The following TDRD1 variants were observed in gnomAD, a reference collection of about 807,000 sequenced individuals.
TDRD1 encodes tudor domain-containing protein 1.
Under a neutral mutation model 140.6 loss-of-function variants are expected in TDRD1, and 37 were observed. The ratio of observed to expected loss-of-function variants is 0.26; its 90% CI spans 0.20 to 0.35. The LOEUF (loss-of-function observed/expected upper bound fraction) is 0.35. Among genes scored for constraint, TDRD1 ranks in the 10% least tolerant of loss-of-function variants. TDRD1 has a pLI of 1.00. For synonymous variants in TDRD1, 506 were observed against 475.7 expected, an observed-to-expected ratio of 1.06 and a Z score of -0.83; for missense variants, 1,243 against 1,393.0, an observed-to-expected ratio of 0.89 and a Z score of 1.71.
intron 3 of TDRD1, among the ~76,000 whole-genome samples, chr10:114,194,467 G>A (rs1000557313): frequency 9.2e-5 from 14 of 152,022 alleles, no homozygotes; most frequent in African/African-American, 3.1e-4. Flanking sequence ...ATTTATGTGT[G>A]GAAGTGTTCC....
At chr10:114,224,960 C>T (rs1030292037) in intron 21 of TDRD1, among the ~76,000 whole-genome samples, 1 of 152,210 alleles carries the variant, frequency 6.6e-6, no homozygotes, top group Non-Finnish European at 1.5e-5. Context: ...GGGGCTTTTC[C>T]ACTGATGGCC....
chr10:114,232,632 G>A (rs1208986829), downstream of TDRD1, among the ~76,000 whole-genome samples: 2 of 149,412 alleles, frequency 1.3e-5, no homozygotes, highest in South Asian at 2.1e-4. Context: ...AAAAGCTCAC[G>A]CTGCTTTGCC....
chr10:114,213,668 AAAG>A (rs1226733164), intron 15 of TDRD1, 80 bp downstream of exon 15: 3 of 1,288,010 alleles, frequency 2.3e-6, no homozygotes, highest in Admixed American at 4.5e-5. Context: ...GTACTTATAA[AAAG>A]AATTTATGTT....
At chr10:114,223,090 G>T (rs2036237409) in intron 21 of TDRD1, among the ~76,000 whole-genome samples, 1 of 152,200 alleles carries the variant, frequency 6.6e-6, no homozygotes. Flanking sequence ...ATTGATGAGG[G>T]TATACTTTGA....
chr10:114,188,894 A>C (rs1383547865), intron 2 of TDRD1, among the ~76,000 whole-genome samples: 2 of 144,260 alleles, frequency 1.4e-5, no homozygotes, highest in East Asian at 2.0e-4. Context: ...AAAAAAAAAA[A>C]ACCTTTCTAA....
Position 114,184,284 on chromosome 10 carries a change from T to C in TDRD1, c.-6-3542T>C, listed in dbSNP as rs181132258. 2.8e-3 allele frequency among the ~76,000 whole-genome samples: 431 copies of C among 152,334 alleles called. 4 individuals carry two copies. Among genetic ancestry groups the C allele is most frequent in the African/African-American group, 0.01 (423 of 41,568 alleles). ...CCTTTTTGTCATTTATTTTACTGTA[T>C]TGATTGGCCTGCAAATAACAGCTTA... is the stretch of plus-strand genomic sequence containing the variant. On this transcript the variant is annotated intron_variant, in intron 1 of 25. Transcript: ENST00000251864.
intron 7 of TDRD1, 96 bp downstream of exon 7, chr10:114,203,272 T>C: frequency 6.7e-7 from 1 of 1,486,476 alleles, no homozygotes. Flanking sequence ...CTACAAAACA[T>C]AAACATTGCA....
intron 3 of TDRD1, among the ~76,000 whole-genome samples, chr10:114,193,543 C>A (rs929161547): frequency 8.5e-5 from 13 of 152,202 alleles, no homozygotes; most frequent in Non-Finnish European, 1.9e-4. Flanking sequence ...ATCCACCCGC[C>A]TTGGCCTCCC....
intron 11 of TDRD1, among the ~76,000 whole-genome samples, chr10:114,208,279 C>G (rs924746609): frequency 1.3e-5 from 2 of 152,050 alleles, no homozygotes; most frequent in Admixed American, 1.3e-4. Context: ...AGAATGGAGC[C>G]TTGAGATACC....
At chr10:114,228,169 C>T in intron 25 of TDRD1, 2 of 1,524,580 alleles carry the variant, frequency 1.3e-6, no homozygotes, top group African/African-American at 1.4e-5. Flanking sequence ...TCTGTGATCA[C>T]CAATAGGACA....
intron 8 of TDRD1, 30 bp from the exon 9 acceptor site, chr10:114,204,043 A>G (rs2034940178): frequency 6.3e-7 from 1 of 1,580,586 alleles, no homozygotes; most frequent in South Asian, 1.2e-5. Flanking sequence ...TGCTGTTATG[A>G]AGCAGAGTAC....
chr10:114,199,299 C>T, exon 4 of TDRD1: 1 of 1,611,310 alleles, frequency 6.2e-7, no homozygotes, highest in East Asian at 2.2e-5. Context: ...CACAACTTGC[C>T]ATCGCTGTGG....
At chr10:114,195,247 G>C (rs1198306130) in intron 3 of TDRD1, among the ~76,000 whole-genome samples, 1 of 152,148 alleles carries the variant, frequency 6.6e-6, no homozygotes, top group African/African-American at 2.4e-5. Flanking sequence ...GTTGAGGTTT[G>C]TTTTATGGCT....
chr10:114,180,515 G>A (rs2032958650), intron 1 of TDRD1, among the ~76,000 whole-genome samples: 1 of 152,150 alleles, frequency 6.6e-6, no homozygotes, highest in Non-Finnish European at 1.5e-5. Context: ...GCCCAGGCTG[G>A]AGTGCAATGG....
At chr10:114,218,697 A>G (rs1042509575) in intron 18 of TDRD1, 113 bp downstream of exon 18, 19 of 758,802 alleles carry the variant, frequency 2.5e-5, no homozygotes, top group Non-Finnish European at 3.7e-5. Flanking sequence ...CCTGCTTCAT[A>G]TTATAAAACT....
At chr10:114,184,587 G>A (rs114893454) in intron 1 of TDRD1, among the ~76,000 whole-genome samples, 2,485 of 152,338 alleles carry the variant, frequency 0.016, 58 homozygotes, top group African/African-American at 0.056. Flanking sequence ...GTGGCCAGTA[G>A]TGTCGCTAAC....
At chr10:114,221,685 A>G (rs2036154965) in intron 20 of TDRD1, among the ~76,000 whole-genome samples, 1 of 152,232 alleles carries the variant, frequency 6.6e-6, no homozygotes, top group African/African-American at 2.4e-5. Context: ...CTACCTGCCC[A>G]GTAGCCTGGT....
At chr10:114,201,258 T>C (rs956324614) in intron 4 of TDRD1, 152 bp from the exon 5 acceptor site, 1 of 622,192 alleles carries the variant, frequency 1.6e-6, no homozygotes, top group Non-Finnish European at 2.8e-6. Flanking sequence ...ATTTCTTCTC[T>C]GTATTCTCAG....
intron 25 of TDRD1, chr10:114,231,441 T>A (rs750201165): frequency 1.3e-6 from 2 of 1,523,928 alleles, no homozygotes; most frequent in East Asian, 4.5e-5. Context: ...AGCAATTGAG[T>A]TTTTGTGTAA....
Sources: gnomAD v4.1 joint callset for allele counts (sites outside exome capture counted in the v4.1 genomes callset) on GRCh38, gnomAD v4.1.1 for gene constraint, MANE v1.5 for transcripts, NCBI Gene and HGNC (gene_info 2026-07-23, HGNC 2026-07-21) for gene names.